Variants in CCDC14 observed in about 807,000 individuals in gnomAD.
CCDC14 encodes the protein coiled-coil domain-containing protein 14.
Under a neutral mutation model 81.4 loss-of-function variants are expected in CCDC14, and 71 were observed. That is an observed-to-expected ratio of 0.87 (90% confidence interval 0.72 to 1.06). The LOEUF is 1.06. CCDC14 is among the 50% of genes least tolerant of loss of function. The pLI is 0.00. For missense variants in CCDC14, 1,046 were observed against 1,047.3 expected (o/e 1.00, Z 0.02); for synonymous variants, 332 against 364.8 (o/e 0.91, Z 1.03).
intron 12 of CCDC14, among the ~76,000 whole-genome samples, chr3:123,920,185 A>G (rs2700390): frequency 0.12 from 18,303 of 152,118 alleles, 2,657 homozygotes; most frequent in East Asian, 0.35. Flanking sequence ...GAGCCTGAAA[A>G]GAGGACATTT....
chr3:123,902,832 G>A (rs1398813609), intron 5 of CCDC14, among the ~76,000 whole-genome samples: 1 of 151,854 alleles, frequency 6.6e-6, no homozygotes, highest in Non-Finnish European at 1.5e-5. Context: ...TGTAAGTTCT[G>A]GGATACATGT....
chr3:123,896,407 A>G (rs1325433055), downstream of CCDC14, among the ~76,000 whole-genome samples: 1 of 152,230 alleles, frequency 6.6e-6, no homozygotes, highest in Non-Finnish European at 1.5e-5. Flanking sequence ...GTATTCTATT[A>G]TAAGCAACAG....
chr3:123,900,874 A>G (rs2034164389), intron 5 of CCDC14, among the ~76,000 whole-genome samples: 1 of 152,142 alleles, frequency 6.6e-6, no homozygotes, highest in Non-Finnish European at 1.5e-5. Context: ...ATTAGATAAA[A>G]TGATTCTAAA....
chr3:123,918,047 T>C (rs1269490585), intron 12 of CCDC14, among the ~76,000 whole-genome samples: 1 of 152,190 alleles, frequency 6.6e-6, no homozygotes, highest in Non-Finnish European at 1.5e-5. Context: ...AAATGTTCAT[T>C]ACATAAGGTT....
At chr3:123,936,370 G>C (rs1211946178) in intron 9 of CCDC14, among the ~76,000 whole-genome samples, 1 of 151,904 alleles carries the variant, frequency 6.6e-6, no homozygotes, top group South Asian at 2.1e-4. Context: ...TTTTATTCAA[G>C]TCATTCTTTT....
chr3:123,932,278 G>A (rs958430884), intron 10 of CCDC14, among the ~76,000 whole-genome samples: 5 of 152,044 alleles, frequency 3.3e-5, no homozygotes, highest in African/African-American at 7.2e-5. Context: ...ATTTAAAGTG[G>A]CAACTACTGA....
chr3:123,934,884 C>T lies in CCDC14; in HGVS notation c.1344-1129G>A, dbSNP rs532630882. On this transcript the variant is annotated intron_variant, in intron 9 of 12. Transcript: ENST00000409697. ...AATATGTAAACAAAACCCAACTATA[C>T]AAGTTTTAGGGGGAAATCTACATAA... Among the ~76,000 whole-genome samples, 17 of 152,226 alleles carry T rather than the reference C, an allele frequency of 1.1e-4. No homozygotes were observed. The South Asian group carries it at 2.1e-3, about 19-fold the overall frequency.
intron 7 of CCDC14, among the ~76,000 whole-genome samples, chr3:123,947,984 G>A (rs2036756974): frequency 6.6e-6 from 1 of 152,010 alleles, no homozygotes; most frequent in Admixed American, 6.5e-5. Flanking sequence ...AAAGTATTAA[G>A]TGAAAGCAGC....
At position 123,931,303 on chromosome 3, in the gene CCDC14, C is replaced by T. The variant is rs1356450375; in HGVS notation, c.1645+5G>A. On this transcript the variant is annotated splice_donor_5th_base_variant and intron_variant, in intron 11 of 12. Transcript: ENST00000409697. ...TGTGACCATAACTACTGTCTAAATA[C>T]GTACCAATTTTTATTCTTGTTATCT... The T allele has an allele frequency of 4.2e-5, 65 of 1,550,846 alleles. No homozygotes were observed. Among genetic ancestry groups the T allele is most frequent in the East Asian group, 7.0e-5 (3 of 43,092 alleles).
intron 12 of CCDC14, among the ~76,000 whole-genome samples, chr3:123,924,806 G>A (rs1034198538): frequency 5.3e-5 from 8 of 151,972 alleles, no homozygotes; most frequent in Non-Finnish European, 1.2e-4. Context: ...CTGTTGGTAG[G>A]AATGTAAATT....
intron 5 of CCDC14, chr3:123,954,102 C>T (rs1329466487): frequency 2.0e-5 from 3 of 152,106 alleles, no homozygotes; most frequent in African/African-American, 7.2e-5. Context: ...ATAATAGTTC[C>T]TTGAGGAAAG....
chr3:123,916,973 C>G (rs914298632), intron 12 of CCDC14, among the ~76,000 whole-genome samples: 4 of 151,882 alleles, frequency 2.6e-5, no homozygotes, highest in African/African-American at 9.7e-5. Flanking sequence ...TCTTGAGTAG[C>G]TGGGACTACA....
chr3:123,888,781 T>C, the CCDC14 span, among the ~76,000 whole-genome samples: 1 of 152,036 alleles, frequency 6.6e-6, no homozygotes, highest in Non-Finnish European at 1.5e-5. Context: ...AAGGGGGAAA[T>C]CCACCCCCAT....
intron 9 of CCDC14, among the ~76,000 whole-genome samples, chr3:123,942,108 C>A (rs1364351249): frequency 6.6e-6 from 1 of 151,922 alleles, no homozygotes. Context: ...TAAAAGTCTA[C>A]AAGTTAAGAT....
intron 5 of CCDC14, chr3:123,952,664 A>G (rs747738992): frequency 1.9e-6 from 1 of 518,688 alleles, no homozygotes; most frequent in Non-Finnish European, 4.0e-6. Context: ...GAAAGTACAT[A>G]AGGAGGCCAC....
intron 5 of CCDC14, among the ~76,000 whole-genome samples, chr3:123,908,305 T>G (rs924457885): frequency 6.6e-6 from 1 of 152,134 alleles, no homozygotes; most frequent in South Asian, 2.1e-4. Context: ...AGATCGTATC[T>G]CCTCATTTGG....
intron 1 of CCDC14, chr3:123,957,785 C>G (rs2037412538): frequency 6.6e-6 from 1 of 151,954 alleles, no homozygotes; most frequent in Admixed American, 6.6e-5. Context: ...AATTTTATAT[C>G]AGATAAATAT....
chr3:123,925,771 T>TA (rs2035327886), intron 12 of CCDC14, among the ~76,000 whole-genome samples: 1 of 152,118 alleles, frequency 6.6e-6, no homozygotes, highest in Non-Finnish European at 1.5e-5. Context: ...CCAACATTGC[T>TA]AAAAAAGTAA....
rs1272906007 is a variant in CCDC14, at chr3:123,956,564, T to G, written c.87-137A>C. ...TGAATTTATAAACACATTCTGAAGATCAGAAAGACTGTTAAATACTAAAAT... is the reference window on the plus strand; with the variant it reads ...TGAATTTATAAACACATTCTGAAGAGCAGAAAGACTGTTAAATACTAAAAT... On this transcript the variant is annotated intron_variant, in intron 2 of 12. Coordinates refer to ENST00000409697, the MANE Select transcript of CCDC14 (RefSeq NM_001366335.1). The G allele has an allele frequency of 5.3e-6, 4 of 750,176 alleles. No homozygotes were observed. In the East Asian group the frequency reaches 1.1e-4, roughly 20 times the overall value. 46.5% of individuals were successfully genotyped at this position (750,176 alleles called of 1,614,324 possible).
Sources: allele counts gnomAD v4.1 joint callset (sites outside exome capture counted in the v4.1 genomes callset), GRCh38; gene constraint gnomAD v4.1.1; transcripts MANE v1.5; gene names NCBI Gene and HGNC (gene_info 2026-07-23, HGNC 2026-07-21).